Variants in CCNQ observed in about 807,000 individuals in gnomAD.
CCNQ encodes cyclin-Q.
In CCNQ, 3 loss-of-function variants were observed where a neutral mutation model predicts 17.7. The ratio of observed to expected loss-of-function variants is 0.17; its 90% CI spans 0.08 to 0.44. CCNQ has a LOEUF of 0.44. CCNQ is among the 20% of genes least tolerant of loss of function. The pLI is 0.99. For missense variants in CCNQ, 146 were observed against 222.6 expected, an observed-to-expected ratio of 0.66 and a Z score of 2.19; for synonymous variants, 73 against 96.0, an observed-to-expected ratio of 0.76 and a Z score of 1.40.
At chrX:153,593,297 A>T (rs1450028479) in intron 3 of CCNQ, among the ~76,000 whole-genome samples, 2 of 111,971 alleles carry the variant, frequency 1.8e-5, no homozygotes, top group African/African-American at 6.5e-5. Flanking sequence ...TGGAACACAC[A>T]TGCGTGTGAC....
chrX:153,594,755 A>T (rs2091016103), intron 2 of CCNQ, 76 bp from the exon 3 acceptor site: 1 of 1,070,251 alleles, frequency 9.3e-7, no homozygotes, highest in Non-Finnish European at 1.3e-6. Flanking sequence ...TGCTTAAGTC[A>T]CACAATGTCC....
intron 4 of CCNQ, among the ~76,000 whole-genome samples, chrX:153,589,323 G>A (rs1395485952): frequency 2.7e-5 from 3 of 112,837 alleles, no homozygotes; most frequent in South Asian, 3.6e-4. Flanking sequence ...CTCCGTGCTC[G>A]CTGTCCCACA....
In CCNQ at chrX:153,593,660, C is replaced by A. The variant is rs369904337; in HGVS notation, c.429+887G>T. Among the ~76,000 whole-genome samples the A allele has an allele frequency of 1.5e-4, 17 of 112,315 alleles. 1 individual carries two copies. In the South Asian group the frequency reaches 5.5e-3, roughly 37 times the overall value. ...ATAAAGGCAACACGAAGGGCCCATGCGGGTGGAACCGTCTCTCACCTTGGC... is the reference window on the plus strand; with the variant it reads ...ATAAAGGCAACACGAAGGGCCCATGAGGGTGGAACCGTCTCTCACCTTGGC... On this transcript the variant is annotated intron_variant, in intron 3 of 4. Transcript: ENST00000576892.
At position 153,592,662 on chromosome X, in the gene CCNQ, G is replaced by A. The variant is rs782615471; in HGVS notation, c.501C>T (p.Ala167=). 1.1e-4 allele frequency: 128 copies of A among 1,210,439 alleles called. 2 individuals carry two copies. The South Asian group carries it at 1.8e-3, about 17-fold the overall frequency. Residue 167 remains alanine (A), a synonymous_variant, in exon 4 of 5, where the codon GCC becomes GCT. Transcript: ENST00000576892. ...CCCGCAGCAGGGCCCAGGCGGTGAC[G>A]GCAACAGGGGTCCGCTGCCAGCTGT... The part of the protein sequence containing the change: ...NRHSWQRTPV[A]VTAWALLRDS...
intron 1 of CCNQ, among the ~76,000 whole-genome samples, 192 bp from the exon 2 acceptor site, chrX:153,596,379 T>C (rs2091028737): frequency 8.9e-6 from 1 of 111,828 alleles, no homozygotes; most frequent in African/African-American, 3.3e-5. Context: ...CCCAAGCCCC[T>C]GGGGATGGTG....
rs145600138 is a variant in CCNQ at position 153,596,975 on chromosome X, G to A, written c.113-788C>T. On this transcript the variant is annotated intron_variant, in intron 1 of 4. Coordinates refer to ENST00000576892, the MANE Select transcript of CCNQ (RefSeq NM_152274.5). ...TGAGACCCTGTCTCTACAAAAAAGA[G>A]AAAGAAAAAAATTTTTAAGGTGAAC... 9.6e-3 allele frequency among the ~76,000 whole-genome samples: 1,074 copies of A among 111,779 alleles called. 13 individuals are homozygous for A. Among genetic ancestry groups the A allele is most frequent in the African/African-American group, 0.033 (1,012 of 30,720 alleles).
At chrX:153,588,540 A>C in intron 4 of CCNQ, 86 bp from the exon 5 acceptor site, 10 of 715,542 alleles carry the variant, frequency 1.4e-5, no homozygotes, top group African/African-American at 2.1e-5. Flanking sequence ...ATCACATTTC[A>C]TGGGCAGGGG....
chrX:153,596,267 G>A, intron 1 of CCNQ, 80 bp from the exon 2 acceptor site: 2 of 1,038,145 alleles, frequency 1.9e-6, no homozygotes, highest in East Asian at 3.0e-5. Context: ...ATTGGAATGG[G>A]CCCTAGCAGG....
chrX:153,598,674 C>G (rs2091045047), intron 1 of CCNQ, among the ~76,000 whole-genome samples: 1 of 113,357 alleles, frequency 8.8e-6, no homozygotes, highest in African/African-American at 3.2e-5. Context: ...GAAGGCGTGG[C>G]GCACTGCGCA....
At chrX:153,596,736 G>A (rs1052125676) in intron 1 of CCNQ, among the ~76,000 whole-genome samples, 1 of 112,544 alleles carries the variant, frequency 8.9e-6, no homozygotes, top group African/African-American at 3.2e-5. Context: ...TAGAAGAGGT[G>A]AGCAAAGCAA....
At chrX:153,594,106 G>A (rs1196547201) in intron 3 of CCNQ, among the ~76,000 whole-genome samples, 2 of 113,007 alleles carry the variant, frequency 1.8e-5, no homozygotes, top group Admixed American at 9.3e-5. Flanking sequence ...TGACTCAAGC[G>A]ATTTGGCTTT....
intron 3 of CCNQ, among the ~76,000 whole-genome samples, chrX:153,593,765 G>A (rs1017694816): frequency 1.8e-5 from 2 of 112,744 alleles, no homozygotes; most frequent in Non-Finnish European, 3.8e-5. Flanking sequence ...TGGAAGTGAG[G>A]ATGCCAGTGG....
At chrX:153,593,971 T>C (rs2091009516) in intron 3 of CCNQ, among the ~76,000 whole-genome samples, 1 of 113,151 alleles carries the variant, frequency 8.8e-6, no homozygotes, top group Non-Finnish European at 1.9e-5. Context: ...TGCCCGTGCA[T>C]GGAGCTGCGG....
chrX:153,590,370 T>G (rs1303628611), intron 4 of CCNQ, among the ~76,000 whole-genome samples: 1 of 110,130 alleles, frequency 9.1e-6, no homozygotes, highest in African/African-American at 3.3e-5. Context: ...AAGGACATTC[T>G]GAGACGGGGG....
At chrX:153,589,399 G>A (rs2090975778) in intron 4 of CCNQ, among the ~76,000 whole-genome samples, 1 of 112,994 alleles carries the variant, frequency 8.9e-6, no homozygotes, top group African/African-American at 3.2e-5. Context: ...TGAAGCTCAC[G>A]CCTGGTCTCT....
rs185501064 is a variant in CCNQ at position 153,594,481 on chromosome X, T to C, written c.429+66A>G. On this transcript the variant is annotated intron_variant, in intron 3 of 4. Transcript: ENST00000576892. ...CTCGAGTATGAGATGGGATGCACTT[T>C]TGGGATAAAGAACAGAGACCATGGC... is the stretch of plus-strand genomic sequence containing the variant. 4.3e-6 allele frequency: 5 copies of C among 1,174,073 alleles called. No homozygotes were observed. In the Admixed American group the frequency reaches 6.5e-5, roughly 15 times the overall value.
Position 153,595,998 on chromosome X carries a change from CA to C in CCNQ, c.296+5del. ...GGAGATCAGGAGCCCAGCCAAATGC[CA>C]TTACCTGTTGGACACATTGATGATG... On this transcript the variant is annotated splice_donor_5th_base_variant and intron_variant, in intron 2 of 4. Transcript: ENST00000576892. 2.5e-6 allele frequency: 3 copies of C among 1,212,142 alleles called. No individual in the cohort carries two copies. The highest frequency in any genetic ancestry group is 3.4e-6 in the Non-Finnish European group (3 of 895,488).
At position 153,588,237 on chromosome X, in the gene CCNQ, T is replaced by C. The variant is rs782593490; in HGVS notation, c.*128A>G. ...AGCATGCCATTGCCTTCTCCAGCCC[T>C]TCTCCAGCAGCACAACCAGTCCTCC... On this transcript the variant is annotated 3_prime_UTR_variant, in exon 5 of 5. Transcript: ENST00000576892. 19 of 611,013 alleles carry C rather than the reference T, an allele frequency of 3.1e-5. No homozygotes were observed. The highest frequency in any genetic ancestry group is 4.9e-5 in the Non-Finnish European group (17 of 347,527). 50.4% of individuals were successfully genotyped at this position (611,013 alleles called of 1,213,427 possible).
At chrX:153,591,628 G>A (rs782578744) in intron 4 of CCNQ, among the ~76,000 whole-genome samples, 10 of 111,229 alleles carry the variant, frequency 9.0e-5, no homozygotes, top group African/African-American at 2.6e-4. Context: ...CCCTGAGCAC[G>A]AGGCAGCCAC....
Sources: gnomAD v4.1 joint callset for allele counts (sites outside exome capture counted in the v4.1 genomes callset) on GRCh38, gnomAD v4.1.1 for gene constraint, MANE v1.5 for transcripts, NCBI Gene and HGNC (gene_info 2026-07-23, HGNC 2026-07-21) for gene names.